Variants in CNTN6 observed in about 807,000 individuals in gnomAD.
CNTN6 encodes contactin 6.
A neutral mutation model predicts 122.8 loss-of-function variants in CNTN6; 137 were observed. The observed-to-expected ratio is 1.12, with a 90% CI of 0.97 to 1.29. CNTN6 has a LOEUF of 1.29. CNTN6 is among the 50% of genes most tolerant of loss of function. CNTN6 has a pLI of 0.00. For synonymous variants in CNTN6, 570 were observed against 426.0 expected, an observed-to-expected ratio of 1.34 and a Z score of -4.16; for missense variants, 1,634 against 1,223.4, an observed-to-expected ratio of 1.34 and a Z score of -5.01.
rs1233689441 is a variant in CNTN6 at position 1,300,493 on chromosome 3, A to AAGGAAGGG, written c.761+2503_761+2504insGGAAGGGA. Among the ~76,000 whole-genome samples the AAGGAAGGG allele has an allele frequency of 4.4e-3, 530 of 119,542 alleles. 3 individuals are homozygous for AAGGAAGGG. Among genetic ancestry groups the AAGGAAGGG allele is most frequent in the African/African-American group, 0.018 (284 of 15,494 alleles). The allele number at this position is 119,542 out of a possible 152,430, so 78.4% of individuals were successfully genotyped here. A position where few individuals can be genotyped will look rare whatever the true frequency, so the allele number is the denominator to read the frequency against. On this transcript the variant is annotated intron_variant, in intron 7 of 22. Transcript: ENST00000446702. ...GAAGGAAGGAAGGAAGGAAGGAAGG[A>AAGGAAGGG]AAAAGAAAAGAAAGAGAAAGAAAGA...
chr3:1,262,530 T>C (rs2094862599), intron 4 of CNTN6, among the ~76,000 whole-genome samples: 2 of 152,148 alleles, frequency 1.3e-5, no homozygotes. Flanking sequence ...CCCGCTTTAG[T>C]TTATACTACT....
At chr3:1,361,818 G>A (rs758292244) in intron 12 of CNTN6, among the ~76,000 whole-genome samples, 1 of 152,070 alleles carries the variant, frequency 6.6e-6, no homozygotes. Flanking sequence ...GCAACATGAG[G>A]TGCAGAAGCC....
chr3:1,274,902 C>T (rs182148750), intron 4 of CNTN6, among the ~76,000 whole-genome samples: 1 of 151,968 alleles, frequency 6.6e-6, no homozygotes, highest in African/African-American at 2.4e-5. Context: ...CCATAACAAC[C>T]CTGCTAAACA....
rs72999851 is a variant in CNTN6, at chr3:1,183,393, A to T, written c.55+35330A>T. ...ATTTATAACTAAAATTTTAAATTTA[A>T]AAAGAAATGGATTGATTAGAGGCCA... is the stretch of plus-strand genomic sequence containing the variant. On this transcript the variant is annotated intron_variant, in intron 2 of 22. Coordinates refer to ENST00000446702, the MANE Select transcript of CNTN6 (RefSeq NM_001289080.2). Among the ~76,000 whole-genome samples, 31 of 152,216 alleles carry T rather than the reference A, an allele frequency of 2.0e-4. 1 individual carries two copies. Among genetic ancestry groups the T allele is most frequent in the African/African-American group, 7.2e-4 (30 of 41,558 alleles).
intron 2 of CNTN6, among the ~76,000 whole-genome samples, chr3:1,156,974 C>T (rs1227204686): frequency 6.6e-6 from 1 of 151,822 alleles, no homozygotes; most frequent in Non-Finnish European, 1.5e-5. Context: ...CCTTGGCCTC[C>T]CAAAGTGCTG....
At position 1,277,207 on chromosome 3, in the gene CNTN6, G is replaced by A. The variant is rs78742956; in HGVS notation, c.359-1206G>A. Among the ~76,000 whole-genome samples, 1,361 of 152,190 alleles carry A rather than the reference G, an allele frequency of 8.9e-3. 8 individuals carry two copies. Among genetic ancestry groups the A allele is most frequent in the Non-Finnish European group, 0.013 (871 of 68,018 alleles). ...ACACTTACCACAATTTGTAAATGAT[G>A]TATTCATTTTAAAAACAATCTTCTG... On this transcript the variant is annotated intron_variant, in intron 4 of 22. Coordinates refer to ENST00000446702, the MANE Select transcript of CNTN6 (RefSeq NM_001289080.2).
At chr3:1,101,152 A>C (rs1454993508) in intron 1 of CNTN6, among the ~76,000 whole-genome samples, 1 of 152,124 alleles carries the variant, frequency 6.6e-6, no homozygotes, top group East Asian at 1.9e-4. Context: ...GACAGAATGA[A>C]TTTGGGCCCT....
chr3:1,099,917 C>T (rs909800816), intron 1 of CNTN6, among the ~76,000 whole-genome samples: 4 of 152,066 alleles, frequency 2.6e-5, no homozygotes, highest in Non-Finnish European at 5.9e-5. Flanking sequence ...ACTATTTTAA[C>T]ATAAAATGTA....
chr3:1,151,949 C>G (rs1429386440), intron 2 of CNTN6, among the ~76,000 whole-genome samples: 5 of 152,082 alleles, frequency 3.3e-5, no homozygotes, highest in African/African-American at 1.2e-4. Flanking sequence ...AACGTTTATT[C>G]TCAGCCCTGA....
chr3:1,329,882 C>T lies in CNTN6; in HGVS notation c.1311C>T (p.Pro437=). 1.2e-6 allele frequency: 2 copies of T among 1,610,248 alleles called. No homozygotes were observed. Among genetic ancestry groups the T allele is most frequent in the Non-Finnish European group, 1.7e-6 (2 of 1,177,740 alleles). ...IVIGCKPNAF[P]RAAISWKRGT... Reference sequence around the variant, plus strand: ...TCGGATGCAAACCAAATGCTTTTCCCAGGGCAGCTATCTCTTGGAAAAGAG... The same window carrying T: ...TCGGATGCAAACCAAATGCTTTTCCTAGGGCAGCTATCTCTTGGAAAAGAG... Residue 437 remains proline (P), a synonymous_variant, in exon 11 of 23, where the codon CCC becomes CCT. Coordinates refer to ENST00000446702, the MANE Select transcript of CNTN6 (RefSeq NM_001289080.2).
intron 1 of CNTN6, among the ~76,000 whole-genome samples, chr3:1,093,970 C>G (rs369233750): frequency 2.6e-5 from 4 of 152,210 alleles, no homozygotes; most frequent in African/African-American, 9.6e-5. Flanking sequence ...ACTATGTCCT[C>G]TGAGAAACAT....
At chr3:1,120,389 T>C (rs55939259) in intron 1 of CNTN6, among the ~76,000 whole-genome samples, 73,483 of 151,764 alleles carry the variant, frequency 0.48, 19,224 homozygotes, top group East Asian at 0.83. Context: ...TTAGTTTTAG[T>C]CATTATTCTG....
At chr3:1,169,429 T>C (rs1215261845) in intron 2 of CNTN6, among the ~76,000 whole-genome samples, 3 of 152,194 alleles carry the variant, frequency 2.0e-5, no homozygotes, top group Non-Finnish European at 4.4e-5. Context: ...CCTCAATGCT[T>C]GTGAGATGAT....
At chr3:1,215,034 CAGGCATG>C (rs1474874737) in intron 2 of CNTN6, among the ~76,000 whole-genome samples, 1 of 152,212 alleles carries the variant, frequency 6.6e-6, no homozygotes, top group Non-Finnish European at 1.5e-5. Flanking sequence ...GCAGGGATTA[CAGGCATG>C]AGCCCCTGTG....
chr3:1,145,538 T>A (rs1430630284), intron 1 of CNTN6, among the ~76,000 whole-genome samples: 1 of 152,184 alleles, frequency 6.6e-6, no homozygotes, highest in African/African-American at 2.4e-5. Flanking sequence ...TACCATGTAA[T>A]TTACGTTATA....
At chr3:1,272,767 C>T (rs2095047607) in intron 4 of CNTN6, among the ~76,000 whole-genome samples, 1 of 152,172 alleles carries the variant, frequency 6.6e-6, no homozygotes. Context: ...AGTGCATCGT[C>T]TGATTGTGAT....
intron 8 of CNTN6, among the ~76,000 whole-genome samples, chr3:1,322,647 T>A (rs1559819918): frequency 6.6e-6 from 1 of 151,548 alleles, no homozygotes; most frequent in Non-Finnish European, 1.5e-5. Flanking sequence ...TGTGTGTGTG[T>A]ATGTGTGTGT....
intron 4 of CNTN6, among the ~76,000 whole-genome samples, chr3:1,239,257 T>C (rs1575366937): frequency 1.3e-5 from 2 of 152,160 alleles, no homozygotes; most frequent in East Asian, 3.9e-4. Flanking sequence ...TACGATTGTA[T>C]ACCTAAAAAG....
intron 2 of CNTN6, among the ~76,000 whole-genome samples, chr3:1,209,654 A>G (rs2125466027): frequency 6.8e-6 from 1 of 146,010 alleles, no homozygotes; most frequent in South Asian, 2.2e-4. Flanking sequence ...TTAAAAGACA[A>G]CAATTCAAAA....
Sources: allele counts gnomAD v4.1 joint callset (sites outside exome capture counted in the v4.1 genomes callset), GRCh38; gene constraint gnomAD v4.1.1; transcripts MANE v1.5; gene names NCBI Gene and HGNC (gene_info 2026-07-23, HGNC 2026-07-21).